Variants in PHF14 observed in about 807,000 individuals in gnomAD.
PHF14 encodes the protein PHD finger protein 14.
PHF14 carries 55 observed loss-of-function variants against 117.9 expected under a neutral mutation model. The ratio of observed to expected loss-of-function variants is 0.47; its 90% CI spans 0.38 to 0.58. The LOEUF is 0.58. Among genes scored for constraint, PHF14 ranks in the 20% least tolerant of loss-of-function variants. The pLI is 0.00. For synonymous variants in PHF14, 409 were observed against 368.6 expected (o/e 1.11, Z -1.26); for missense variants, 978 against 1,122.2 (o/e 0.87, Z 1.84).
chr7:11,133,093 C>T (rs1788130052), intron 17 of PHF14, among the ~76,000 whole-genome samples: 1 of 151,782 alleles, frequency 6.6e-6, no homozygotes, highest in African/African-American at 2.4e-5. Flanking sequence ...TGTTCATTGA[C>T]AGGAGAAATA....
chr7:11,106,847 G>A, intron 16 of PHF14: 3 of 984,174 alleles, frequency 3.0e-6, no homozygotes, highest in Non-Finnish European at 3.6e-6. Flanking sequence ...AGACATAATA[G>A]TCTATATTTT....
chr7:11,154,427 G>A (rs1788786584), intron 17 of PHF14, among the ~76,000 whole-genome samples: 1 of 152,098 alleles, frequency 6.6e-6, no homozygotes, highest in African/African-American at 2.4e-5. Flanking sequence ...CTTTGTATTT[G>A]TAAGAATATG....
At chr7:11,020,248 C>T (rs775123797) in intron 5 of PHF14, among the ~76,000 whole-genome samples, 3 of 151,984 alleles carry the variant, frequency 2.0e-5, no homozygotes, top group Non-Finnish European at 2.9e-5. Flanking sequence ...GCCACCACAC[C>T]AGGCTAATGT....
chr7:10,980,886 T>C (rs569114378), intron 2 of PHF14, among the ~76,000 whole-genome samples: 3 of 152,156 alleles, frequency 2.0e-5, no homozygotes, highest in South Asian at 2.1e-4. Flanking sequence ...AGATAGGGAA[T>C]TGCTGACCCG....
chr7:11,151,836 G>C, intron 17 of PHF14, among the ~76,000 whole-genome samples: 1 of 152,088 alleles, frequency 6.6e-6, no homozygotes. Flanking sequence ...CACTATATGA[G>C]TGTATTTTAA....
chr7:11,148,456 T>C (rs1327360011), intron 17 of PHF14, among the ~76,000 whole-genome samples: 1 of 152,222 alleles, frequency 6.6e-6, no homozygotes, highest in African/African-American at 2.4e-5. Context: ...CTTCAAGTCA[T>C]TCAGGTCTCT....
chr7:11,062,786 GGAGT>G, intron 16 of PHF14: 2 of 985,164 alleles, frequency 2.0e-6, no homozygotes, highest in Non-Finnish European at 2.4e-6. Flanking sequence ...GTGAGATGGG[GGAGT>G]GAGTGTGTGA....
At chr7:11,111,043 T>G in intron 16 of PHF14, 1 of 190,150 alleles carries the variant, frequency 5.3e-6, no homozygotes, top group Non-Finnish European at 1.1e-5. Flanking sequence ...ATTGTTGTGG[T>G]TGTTTTGAAC....
chr7:10,975,158 G>T (rs1165355739), intron 2 of PHF14, among the ~76,000 whole-genome samples: 1 of 152,122 alleles, frequency 6.6e-6, no homozygotes, highest in Non-Finnish European at 1.5e-5. Flanking sequence ...AGCAGTCAGG[G>T]GAAGGACTTT....
At chr7:11,147,096 C>T (rs769069271) in intron 17 of PHF14, among the ~76,000 whole-genome samples, 17 of 152,152 alleles carry the variant, frequency 1.1e-4, no homozygotes, top group Non-Finnish European at 2.2e-4. Context: ...GATCTGCCCA[C>T]CTCGGCTTCC....
intron 17 of PHF14, among the ~76,000 whole-genome samples, chr7:11,162,473 G>T (rs971860379): frequency 2.6e-5 from 4 of 152,066 alleles, no homozygotes; most frequent in African/African-American, 9.7e-5. Flanking sequence ...ATAGAATTGG[G>T]ATTGTGCCCA....
intron 17 of PHF14, among the ~76,000 whole-genome samples, chr7:11,161,405 A>G (rs1440602536): frequency 6.6e-6 from 1 of 152,222 alleles, no homozygotes; most frequent in Admixed American, 6.5e-5. Flanking sequence ...TATTGCTTAT[A>G]TTAATGAATA....
intron 17 of PHF14, among the ~76,000 whole-genome samples, chr7:11,167,051 C>T (rs1483530141): frequency 1.3e-5 from 2 of 152,028 alleles, no homozygotes; most frequent in Non-Finnish European, 2.9e-5. Context: ...TTCATTTAAC[C>T]ATGTTCCAAT....
chr7:11,076,554 T>TG (rs201744143), intron 16 of PHF14, among the ~76,000 whole-genome samples: 1,886 of 147,874 alleles, frequency 0.013, 41 homozygotes, highest in African/African-American at 0.045. Flanking sequence ...ATCTTGGATA[T>TG]TTTTTTCTTT....
intron 16 of PHF14, among the ~76,000 whole-genome samples, chr7:11,080,712 G>T (rs963840696): frequency 6.6e-6 from 1 of 152,162 alleles, no homozygotes; most frequent in Non-Finnish European, 1.5e-5. Flanking sequence ...ACATTCTGCA[G>T]TGCGGATATA....
chr7:11,060,331 A>C (rs1180384258), intron 14 of PHF14, among the ~76,000 whole-genome samples: 1 of 152,218 alleles, frequency 6.6e-6, no homozygotes, highest in Non-Finnish European at 1.5e-5. Context: ...GATGAATATG[A>C]TATGGTCCTT....
intron 16 of PHF14, among the ~76,000 whole-genome samples, chr7:11,065,624 T>C (rs201033449): frequency 6.6e-6 from 1 of 152,170 alleles, no homozygotes; most frequent in East Asian, 1.9e-4. Context: ...CTCTGCTGTA[T>C]TTTAAGTAAG....
chr7:11,063,377 A>G (rs1263622324), intron 16 of PHF14: 3 of 982,860 alleles, frequency 3.1e-6, no homozygotes, highest in African/African-American at 3.5e-5. Flanking sequence ...TGAAATCCCA[A>G]GCATAAGCGT....
intron 17 of PHF14, among the ~76,000 whole-genome samples, chr7:11,146,288 T>C (rs1302551293): frequency 1.3e-5 from 2 of 152,160 alleles, no homozygotes; most frequent in African/African-American, 4.8e-5. Flanking sequence ...ATGGGAAATA[T>C]CTTTGTTCCT....
Sources: allele counts gnomAD v4.1 joint callset (sites outside exome capture counted in the v4.1 genomes callset), GRCh38; gene constraint gnomAD v4.1.1; transcripts MANE v1.5; gene names NCBI Gene and HGNC (gene_info 2026-07-23, HGNC 2026-07-21).